KYNU: variants seen among roughly 807,000 people sequenced by gnomAD.
The protein encoded by KYNU is kynureninase.
KYNU carries 54 observed loss-of-function variants against 59.2 expected under a neutral mutation model. That is an observed-to-expected ratio of 0.91 (90% CI 0.73 to 1.14). The LOEUF is 1.14. KYNU is among the 50% of genes most tolerant of loss of function. The pLI is 0.00. For missense variants in KYNU, 567 were observed against 554.4 expected (o/e 1.02, Z -0.23); for synonymous variants, 177 against 192.0 (o/e 0.92, Z 0.65).
intron 4 of KYNU, among the ~76,000 whole-genome samples, chr2:142,951,168 A>T (rs901920839): frequency 6.6e-6 from 1 of 152,228 alleles, no homozygotes; most frequent in Non-Finnish European, 1.5e-5. Flanking sequence ...ATACAGAGAC[A>T]TGAGGTGAGC....
chr2:143,034,083 G>GAC (rs1267332571), intron 12 of KYNU, among the ~76,000 whole-genome samples: 3 of 151,368 alleles, frequency 2.0e-5, no homozygotes, highest in Non-Finnish European at 2.9e-5. Context: ...TTTAGTGTTA[G>GAC]ACTAAATGTG....
At chr2:142,987,885 G>C (rs74390986) in intron 10 of KYNU, among the ~76,000 whole-genome samples, 1,717 of 151,810 alleles carry the variant, frequency 0.011, 12 homozygotes, top group Middle Eastern at 0.02. Flanking sequence ...AAATATAGTT[G>C]TTTAAAAGTG....
At chr2:142,918,269 T>C (rs1026281921) in intron 2 of KYNU, among the ~76,000 whole-genome samples, 1 of 152,188 alleles carries the variant, frequency 6.6e-6, no homozygotes, top group Non-Finnish European at 1.5e-5. Flanking sequence ...TACAATTAGA[T>C]AGGCTGATGT....
intron 4 of KYNU, among the ~76,000 whole-genome samples, chr2:142,949,878 T>A (rs1683930475): frequency 6.6e-6 from 1 of 152,180 alleles, no homozygotes; most frequent in Non-Finnish European, 1.5e-5. Flanking sequence ...TTTTCCACAC[T>A]CTTATGCTCT....
rs1013609644 is a variant in KYNU, at chr2:143,029,670, A to G, written c.946A>G (p.Met316Val). The change falls in exon 11 of 14, where the codon ATG becomes GTG. Residue 316 changes from methionine to valine, a missense_variant. Met to Val is a conservative substitution (Grantham distance 21). Transcript: ENST00000264170. ...CCATGAACTCAGCACCAGATTTAAG[A>G]TGGATAACAGTAAGTGTATTTATTT... The part of the protein sequence containing the change: ...FGHELSTRFK[M>V]DNKLQLIPGV... 9.7e-6 allele frequency: 15 copies of G among 1,551,040 alleles called. No individual in the cohort carries two copies. The Admixed American group carries it at 1.7e-4, about 17-fold the overall frequency.
Position 143,042,205 on chromosome 2 carries a change from A to T in KYNU, c.*33A>T. 6.3e-7 allele frequency: 1 copy of T among 1,598,454 alleles called. No homozygotes were observed. Among genetic ancestry groups the T allele is most frequent in the Non-Finnish European group, 8.5e-7 (1 of 1,171,504 alleles). The stretch of plus-strand genomic sequence containing the variant: ...TTCTAGAACAACTTAAGCAAATTAT[A>T]CTGAAAGCTGCTGTGGTTATTTCAG... On this transcript the variant is annotated 3_prime_UTR_variant, in exon 14 of 14. Coordinates refer to ENST00000264170, the MANE Select transcript of KYNU (RefSeq NM_003937.3).
chr2:142,981,721 T>C (rs1276935683), intron 8 of KYNU, among the ~76,000 whole-genome samples: 1 of 152,132 alleles, frequency 6.6e-6, no homozygotes, highest in African/African-American at 2.4e-5. Flanking sequence ...TGTGCTGATA[T>C]ATTGTCCTTT....
At chr2:142,898,836 A>C (rs1005466874) in intron 2 of KYNU, among the ~76,000 whole-genome samples, 4 of 152,170 alleles carry the variant, frequency 2.6e-5, no homozygotes, top group African/African-American at 9.7e-5. Context: ...CTCTATTAGA[A>C]GCTGTGGGTC....
At chr2:143,013,975 G>A (rs577967741) in intron 10 of KYNU, among the ~76,000 whole-genome samples, 3 of 152,266 alleles carry the variant, frequency 2.0e-5, no homozygotes, top group Non-Finnish European at 4.4e-5. Context: ...TGGAGACTTG[G>A]GGTCTGTCAG....
At chr2:142,884,510 C>A (rs776366779) in intron 1 of KYNU, among the ~76,000 whole-genome samples, 3 of 151,918 alleles carry the variant, frequency 2.0e-5, no homozygotes, top group Non-Finnish European at 4.4e-5. Context: ...TCATAAGATA[C>A]CTAGAGGAAA....
chr2:142,916,208 A>G (rs1374615833), intron 2 of KYNU, among the ~76,000 whole-genome samples: 1 of 152,176 alleles, frequency 6.6e-6, no homozygotes, highest in Non-Finnish European at 1.5e-5. Flanking sequence ...AAGTATTCCC[A>G]GCTCAAGGAG....
rs889316542 is a variant in KYNU at position 143,043,410 on chromosome 2, A to T, written c.*1238A>T. 6.6e-6 allele frequency: 1 copy of T among 151,596 alleles called. No homozygotes were observed. The highest frequency in any genetic ancestry group is 1.9e-4 in the East Asian group (1 of 5,164). 9.4% of individuals were successfully genotyped at this position (151,596 alleles called of 1,614,324 possible). ...TAGATTTGTATACATAGTCAACAAA[A>T]AGAGTGACATAATTATTGCCTCCAA... On this transcript the variant is annotated 3_prime_UTR_variant, in exon 14 of 14. Coordinates refer to ENST00000264170, the MANE Select transcript of KYNU (RefSeq NM_003937.3).
Position 142,918,713 on chromosome 2 carries a change from G to C in KYNU, c.274G>C (p.Asp92His), listed in dbSNP as rs762818928. 2 of 1,611,764 alleles carry C rather than the reference G, an allele frequency of 1.2e-6. No homozygotes were observed. The highest frequency in any genetic ancestry group is 1.7e-5 in the Admixed American group (1 of 59,860). ...TAAAACATATCTTGAAGAAGAACTA[G>C]ATAAGTGGGCCAAAATGTAAGTATT... ...MVKTYLEEEL[D>H]KWAKIAAYGH... is the part of the protein sequence containing the mutation. The change falls in exon 3 of 14, where the codon GAT becomes CAT. Residue 92 changes from aspartate to histidine, a missense_variant. By Grantham distance (81) the Asp-to-His change is moderately conservative. Coordinates refer to ENST00000264170, the MANE Select transcript of KYNU (RefSeq NM_003937.3).
intron 10 of KYNU, among the ~76,000 whole-genome samples, chr2:143,007,137 G>T (rs200757646): frequency 0.11 from 16,318 of 151,566 alleles, 957 homozygotes; most frequent in East Asian, 0.25. Context: ...CAAACCAAAG[G>T]CAAAGAAGTT....
At chr2:142,936,031 G>A (rs1683380785) in intron 4 of KYNU, among the ~76,000 whole-genome samples, 3 of 152,148 alleles carry the variant, frequency 2.0e-5, no homozygotes, top group Non-Finnish European at 4.4e-5. Flanking sequence ...GGTTAAAGAA[G>A]GCGATTGAGA....
Position 142,965,811 on chromosome 2 carries a change from G to A in KYNU, c.729+5041G>A, listed in dbSNP as rs1684509164. On this transcript the variant is annotated intron_variant, in intron 8 of 13. Transcript: ENST00000264170. ...GGGGTTGGGAATGGGCTTCGGGTTG[G>A]CTAAATATAATATTTCTTATGTTCC... 2.0e-5 allele frequency among the ~76,000 whole-genome samples: 3 copies of A among 152,220 alleles called. No individual in the cohort carries two copies. In the South Asian group the frequency reaches 6.2e-4, roughly 32 times the overall value.
At chr2:143,003,116 T>C (rs1018868600) in intron 10 of KYNU, among the ~76,000 whole-genome samples, 11 of 152,176 alleles carry the variant, frequency 7.2e-5, no homozygotes, top group African/African-American at 1.4e-4. Context: ...GCTTTGAATA[T>C]ACATCATGAT....
rs1685185896 is a variant in KYNU, at chr2:142,985,985, T to G, written c.866T>G (p.Phe289Cys). Residue 289 changes from phenylalanine to cysteine, a missense_variant, in exon 10 of 14, where the codon TTC (phenylalanine) becomes TGC (cysteine). Physicochemically the swap from Phe to Cys is radical, Grantham distance 205. Coordinates refer to ENST00000264170, the MANE Select transcript of KYNU (RefSeq NM_003937.3). ...GGAGCAGGAGGAATTGCTGGTGCCTTCATTCATGAAAAGCATGCCCATACG... is the reference window on the plus strand; with the variant it reads ...GGAGCAGGAGGAATTGCTGGTGCCTGCATTCATGAAAAGCATGCCCATACG... ...NAGAGGIAGA[F>C]IHEKHAHTIK... The G allele has an allele frequency of 1.2e-6, 2 of 1,610,788 alleles. No homozygotes were observed. Among genetic ancestry groups the G allele is most frequent in the Non-Finnish European group, 1.7e-6 (2 of 1,177,808 alleles).
chr2:142,995,806 C>A (rs1436520744), intron 10 of KYNU, among the ~76,000 whole-genome samples: 4 of 152,042 alleles, frequency 2.6e-5, no homozygotes, highest in Non-Finnish European at 2.9e-5. Flanking sequence ...TGCTGATTAC[C>A]AACTGCCTGG....
Sources: gnomAD v4.1 joint callset for allele counts (sites outside exome capture counted in the v4.1 genomes callset) on GRCh38, gnomAD v4.1.1 for gene constraint, MANE v1.5 for transcripts, NCBI Gene and HGNC (gene_info 2026-07-23, HGNC 2026-07-21) for gene names.